The following PDIA3 variants were observed in gnomAD, a reference collection of about 807,000 sequenced individuals.
PDIA3 encodes protein disulfide isomerase family A member 3.
In PDIA3, 16 loss-of-function variants were observed where a neutral mutation model predicts 56.9. The observed-to-expected ratio is 0.28, with a 90% CI of 0.19 to 0.43. The LOEUF (loss-of-function observed/expected upper bound fraction) is 0.43. Ranked by LOEUF, PDIA3 falls within the 20% of genes least tolerant of loss-of-function variation. The pLI, the probability that PDIA3 is intolerant of heterozygous loss-of-function variation, is 1.00. For missense variants in PDIA3, 485 were observed against 621.3 expected (o/e 0.78, Z 2.33); for synonymous variants, 192 against 216.5 (o/e 0.89, Z 0.99).
chr15:43,764,817 T>A (rs940750310), intron 5 of PDIA3, among the ~76,000 whole-genome samples: 2 of 152,174 alleles, frequency 1.3e-5, no homozygotes, highest in African/African-American at 4.8e-5. Context: ...CCTTTTGAGA[T>A]AATGAAAAAG....
chr15:43,747,441 AG>A (rs2086714687), intron 1 of PDIA3, among the ~76,000 whole-genome samples: 1 of 152,204 alleles, frequency 6.6e-6, no homozygotes, highest in African/African-American at 2.4e-5. Context: ...ACTCCACTTT[AG>A]GGTGACTTAA....
intron 9 of PDIA3, 39 bp from the exon 10 acceptor site, chr15:43,769,475 ATTTT>A (rs750842960): frequency 3.8e-6 from 6 of 1,596,126 alleles, no homozygotes; most frequent in Non-Finnish European, 5.1e-6. Flanking sequence ...TTGTGAATTT[ATTTT>A]TTTATGTTAC....
intron 3 of PDIA3, among the ~76,000 whole-genome samples, chr15:43,760,767 G>A (rs1259697201): frequency 4.0e-5 from 6 of 151,258 alleles, no homozygotes; most frequent in Admixed American, 6.6e-5. Flanking sequence ...TCCTGACCTC[G>A]TGATCTGCCC....
intron 4 of PDIA3, among the ~76,000 whole-genome samples, chr15:43,762,744 A>T (rs953299789): frequency 6.6e-5 from 10 of 152,216 alleles, no homozygotes; most frequent in Non-Finnish European, 1.2e-4. Context: ...TTATTTTGAC[A>T]TGTCATCTTA....
intron 1 of PDIA3, among the ~76,000 whole-genome samples, chr15:43,749,654 G>C (rs1226507793): frequency 6.6e-6 from 1 of 152,092 alleles, no homozygotes; most frequent in Non-Finnish European, 1.5e-5. Flanking sequence ...TTAGCTGGAC[G>C]TGGTGGCGCA....
chr15:43,755,639 C>T (rs1162214184), intron 2 of PDIA3, among the ~76,000 whole-genome samples: 7 of 152,068 alleles, frequency 4.6e-5, no homozygotes, highest in South Asian at 2.1e-4. Context: ...CATAGCCAGG[C>T]GCTGTGGCTC....
intron 12 of PDIA3, 50 bp from the exon 13 acceptor site, chr15:43,771,055 T>A (rs2086878733): frequency 3.2e-6 from 4 of 1,256,582 alleles, no homozygotes; most frequent in African/African-American, 3.0e-5. Context: ...GTGGGGCAGA[T>A]CAGGGTTCTT....
Position 43,771,991 on chromosome 15 carries a change from G to T in PDIA3, c.*773G>T, listed in dbSNP as rs77115059. On this transcript the variant is annotated 3_prime_UTR_variant, in exon 13 of 13. Transcript: ENST00000300289. Reference sequence around the variant, plus strand: ...TCTGCTCAGAAATGCCCTGTCAAGGGTGTGGCATCACGCAGTTTCATCCAA... The same window carrying T: ...TCTGCTCAGAAATGCCCTGTCAAGGTTGTGGCATCACGCAGTTTCATCCAA... 4 of 181,706 alleles carry T rather than the reference G, an allele frequency of 2.2e-5. No homozygotes were observed. The highest frequency in any genetic ancestry group is 4.5e-5 in the Non-Finnish European group (4 of 87,978). The allele number at this position is 181,706 out of a possible 1,614,324, so 11.3% of individuals were successfully genotyped here. A position where few individuals can be genotyped will look rare whatever the true frequency, so the allele number is the denominator to read the frequency against.
Position 43,756,693 on chromosome 15 carries a change from C to A in PDIA3, c.291C>A (p.Val97=). ...CTAACACCTGTAATAAATATGGAGT[C>A]AGTGGATATCCAACCCTGAAGATAT... ...ANTNTCNKYG[V]SGYPTLKIFR... is the part of the protein sequence containing the mutation. Residue 97 remains valine, a synonymous_variant, in exon 3 of 13, where the codon GTC becomes GTA. Coordinates refer to ENST00000300289, the MANE Select transcript of PDIA3 (RefSeq NM_005313.5). 1 of 1,609,192 alleles carries A rather than the reference C, an allele frequency of 6.2e-7. No homozygotes were observed. The highest frequency in any genetic ancestry group is 1.1e-5 in the South Asian group (1 of 90,912).
intron 6 of PDIA3, 87 bp downstream of exon 6, chr15:43,765,653 C>T (rs573298499): frequency 2.1e-5 from 20 of 949,846 alleles, no homozygotes; most frequent in East Asian, 9.6e-5. Context: ...TATATTTTGG[C>T]GTAAACAGTC....
chr15:43,761,402 A>C, intron 3 of PDIA3, 22 bp from the exon 4 acceptor site: 1 of 1,306,216 alleles, frequency 7.7e-7, no homozygotes, highest in Non-Finnish European at 1.1e-6. Context: ...GTGTTGTCAT[A>C]ACTTTTATTT....
intron 1 of PDIA3, 50 bp from the exon 2 acceptor site, chr15:43,753,774 C>A: frequency 7.7e-7 from 1 of 1,293,476 alleles, no homozygotes; most frequent in Non-Finnish European, 1.1e-6. Flanking sequence ...ACAACATTAA[C>A]AAATTCATAG....
intron 12 of PDIA3, 30 bp from the exon 13 acceptor site, chr15:43,771,075 A>G: frequency 6.8e-7 from 1 of 1,473,530 alleles, no homozygotes; most frequent in South Asian, 1.2e-5. Flanking sequence ...TTAAAAAGTT[A>G]CACTTTTAAG....
chr15:43,766,364 A>G (rs982759590), intron 7 of PDIA3, among the ~76,000 whole-genome samples: 5 of 152,214 alleles, frequency 3.3e-5, no homozygotes, highest in Non-Finnish European at 7.3e-5. Context: ...GAAATTTGAT[A>G]TAAAATGCAC....
rs1052549146 is a variant in PDIA3 at position 43,773,104 on chromosome 15, C to G, written c.*1886C>G. On this transcript the variant is annotated 3_prime_UTR_variant, in exon 13 of 13. Coordinates refer to ENST00000300289, the MANE Select transcript of PDIA3 (RefSeq NM_005313.5). ...TTCACTAAGCAGAGGCTCAAAAATTCCCTTGATAACTTCAGCTGCCCCTGT... is the reference window on the plus strand; with the variant it reads ...TTCACTAAGCAGAGGCTCAAAAATTGCCTTGATAACTTCAGCTGCCCCTGT... 1 of 1,585,078 alleles carries G rather than the reference C, an allele frequency of 6.3e-7. No homozygotes were observed. The highest frequency in any genetic ancestry group is 8.5e-7 in the Non-Finnish European group (1 of 1,170,062).
At chr15:43,766,445 T>C (rs1188466334) in intron 7 of PDIA3, among the ~76,000 whole-genome samples, 1 of 152,208 alleles carries the variant, frequency 6.6e-6, no homozygotes, top group Non-Finnish European at 1.5e-5. Flanking sequence ...TGTTTTCAGA[T>C]CAGTTATTAT....
chr15:43,769,952 C>T (rs2086871169), intron 10 of PDIA3, among the ~76,000 whole-genome samples: 1 of 152,162 alleles, frequency 6.6e-6, no homozygotes, highest in Non-Finnish European at 1.5e-5. Context: ...AAACATTTGG[C>T]TTAGCCCCTG....
In PDIA3 at chr15:43,746,909, G is replaced by A. The variant is rs112478084; in HGVS notation, c.167+203G>A. 2,549 of 594,576 alleles carry A rather than the reference G, an allele frequency of 4.3e-3. 62 individuals carry two copies. In the African/African-American group the frequency reaches 0.044, roughly 10 times the overall value. 36.8% of individuals were successfully genotyped at this position (594,576 alleles called of 1,614,324 possible). On this transcript the variant is annotated intron_variant, in intron 1 of 12. Coordinates refer to ENST00000300289, the MANE Select transcript of PDIA3 (RefSeq NM_005313.5). The stretch of plus-strand genomic sequence containing the variant: ...GTGCTGATCGGCCCAAGGAAAACCC[G>A]AAGGCTGCGCTCACGCAGGGCCTCA...
intron 8 of PDIA3, among the ~76,000 whole-genome samples, chr15:43,767,547 GCA>G (rs2086855369): frequency 6.6e-6 from 1 of 151,524 alleles, no homozygotes; most frequent in South Asian, 2.1e-4. Context: ...GGAGGCCGAG[GCA>G]TGTGGATCAC....
Sources: gnomAD v4.1 joint callset for allele counts (sites outside exome capture counted in the v4.1 genomes callset) on GRCh38, gnomAD v4.1.1 for gene constraint, MANE v1.5 for transcripts, NCBI Gene and HGNC (gene_info 2026-07-23, HGNC 2026-07-21) for gene names.